RYR1: variants seen among roughly 807,000 people sequenced by gnomAD.
RYR1 encodes the protein central core disease of muscle.
Under a neutral mutation model 583.5 loss-of-function variants are expected in RYR1, and 342 were observed. The observed-to-expected ratio is 0.59, with a 90% CI of 0.54 to 0.64. The LOEUF (loss-of-function observed/expected upper bound fraction) is 0.64. Among genes scored for constraint, RYR1 ranks in the 30% least tolerant of loss-of-function variants. The pLI, the probability that RYR1 is intolerant of heterozygous loss-of-function variation, is 0.00. For missense variants in RYR1, 6,032 were observed against 6,917.2 expected, an observed-to-expected ratio of 0.87 and a Z score of 4.54; for synonymous variants, 2,791 against 2,822.5, an observed-to-expected ratio of 0.99 and a Z score of 0.35.
In RYR1 at chr19:38,512,580, T is replaced by A; in HGVS notation, c.9472+97T>A. ...GAGAGTCCCTGGGTGTTTGAATGTG[T>A]GGATTTCTTGCTGTAAGCAAAGCAT... is the stretch of plus-strand genomic sequence containing the variant. On this transcript the variant is annotated intron_variant, in intron 63 of 105. Transcript: ENST00000359596. The surrounding 1 kb of genome is among the most constrained non-coding windows in gnomAD (Gnocchi z 5.1). 1 of 1,180,058 alleles carries A rather than the reference T, an allele frequency of 8.5e-7. No homozygotes were observed. Among genetic ancestry groups the A allele is most frequent in the Non-Finnish European group, 1.2e-6 (1 of 801,176 alleles). The allele number at this position is 1,180,058 out of a possible 1,614,324, so 73.1% of individuals were successfully genotyped here. A position where few individuals can be genotyped will look rare whatever the true frequency, so the allele number is the denominator to read the frequency against.
At chr19:38,450,061 G>C (rs1252342574) in intron 11 of RYR1, among the ~76,000 whole-genome samples, 1 of 152,100 alleles carries the variant, frequency 6.6e-6, no homozygotes, top group African/African-American at 2.4e-5. Flanking sequence ...GAGTGAGATG[G>C]GCTCACAGGA....
intron 83 of RYR1, 76 bp downstream of exon 83, chr19:38,536,843 G>C: frequency 6.7e-7 from 1 of 1,499,796 alleles, no homozygotes; most frequent in Non-Finnish European, 9.3e-7. Context: ...CTCCACCTAG[G>C]GGCTGAGGAT....
intron 27 of RYR1, among the ~76,000 whole-genome samples, chr19:38,471,662 A>C (rs1968425020): frequency 6.6e-6 from 1 of 152,076 alleles, no homozygotes; most frequent in African/African-American, 2.4e-5. Context: ...GCAGTTTGGG[A>C]GGCCGATGTG....
chr19:38,474,174 C>T (rs1430221925), intron 28 of RYR1, among the ~76,000 whole-genome samples: 1 of 152,204 alleles, frequency 6.6e-6, no homozygotes, highest in Non-Finnish European at 1.5e-5. Context: ...TTCTGTGTCA[C>T]AAATGTACCC....
chr19:38,511,756 G>A lies in RYR1; in HGVS notation c.9172+146G>A, dbSNP rs529589854. 221 of 1,026,356 alleles carry A rather than the reference G, an allele frequency of 2.2e-4. 1 individual carries two copies. The highest frequency in any genetic ancestry group is 4.0e-4 in the Middle Eastern group (2 of 4,946). The allele number at this position is 1,026,356 out of a possible 1,614,324, so 63.6% of individuals were successfully genotyped here. A position where few individuals can be genotyped will look rare whatever the true frequency, so the allele number is the denominator to read the frequency against. On this transcript the variant is annotated intron_variant, in intron 61 of 105. Coordinates refer to ENST00000359596, the MANE Select transcript of RYR1 (RefSeq NM_000540.3). ...GAGACATGGACCAGGTATCCGGGGGGTAGGGCAGTGACTGAGATGCCCTGG... is the reference window on the plus strand; with the variant it reads ...GAGACATGGACCAGGTATCCGGGGGATAGGGCAGTGACTGAGATGCCCTGG...
chr19:38,466,347 C>G lies in RYR1; in HGVS notation c.3127C>G (p.Arg1043Gly). 1 of 1,591,712 alleles carries G rather than the reference C, an allele frequency of 6.3e-7. No individual in the cohort carries two copies. The change falls in exon 24 of 106, where the codon CGC (arginine) becomes GGC (glycine). Residue 1043 changes from arginine to glycine, a missense_variant. By Grantham distance (125) the Arg-to-Gly change is moderately radical. Coordinates refer to ENST00000359596, the MANE Select transcript of RYR1 (RefSeq NM_000540.3). ...CCGGGACAGCCTCTGCCAGGCCGTG[C>G]GCACCCTCCTGGGCTACGGCTACAA... ...SNRDSLCQAV[R>G]TLLGYGYNIE...
intron 31 of RYR1, among the ~76,000 whole-genome samples, chr19:38,481,333 C>T (rs987601177): frequency 6.6e-6 from 1 of 151,982 alleles, no homozygotes; most frequent in Non-Finnish European, 1.5e-5. Context: ...TGCCATGTTG[C>T]CCAGGCCAGT....
At position 38,469,366 on chromosome 19, in the gene RYR1, C is replaced by T. The variant is rs191970833; in HGVS notation, c.3618C>T (p.Asp1206=). ...GQVGHLNLGQ[D]VSSLRFFAIC... is the part of the protein sequence containing the mutation. ...TGGGTCATCTGAACCTGGGCCAGGA[C>T]GTGAGCTCTCTGAGGTTCTTTGCCA... The change falls in exon 27 of 106, where the codon GAC becomes GAT. Residue 1206 remains aspartate, a synonymous_variant. Transcript: ENST00000359596. The T allele has an allele frequency of 8.7e-5, 140 of 1,614,092 alleles. No homozygotes were observed. In the East Asian group the frequency reaches 2.3e-3, roughly 26 times the overall value.
At chr19:38,451,969 T>G in intron 12 of RYR1, 84 bp downstream of exon 12, 158 of 1,563,730 alleles carry the variant, frequency 1.0e-4, no homozygotes, top group Non-Finnish European at 1.3e-4. Context: ...CTTTCATCTC[T>G]ACCTCTGTTG....
intron 84 of RYR1, among the ~76,000 whole-genome samples, chr19:38,541,482 G>A (rs774116843): frequency 8.5e-5 from 13 of 152,242 alleles, no homozygotes; most frequent in Middle Eastern, 3.4e-3. Context: ...TTGGGAGGCC[G>A]AGGCAGGTGG....
chr19:38,565,973 A>G lies in RYR1; in HGVS notation c.13437+202A>G, dbSNP rs1328070237. Among the ~76,000 whole-genome samples, 1 of 151,912 alleles carries G rather than the reference A, an allele frequency of 6.6e-6. No homozygotes were observed. The highest frequency in any genetic ancestry group is 1.5e-5 in the Non-Finnish European group (1 of 67,964). On this transcript the variant is annotated intron_variant, in intron 91 of 105. Coordinates refer to ENST00000359596, the MANE Select transcript of RYR1 (RefSeq NM_000540.3). The surrounding 1 kb of genome is among the most constrained non-coding windows in gnomAD (Gnocchi z 4.7). ...GAGAGACGCTCAGAGACAGAGGGAT[A>G]CTCAGACCCACAGAGAAAGAGACTC...
At chr19:38,535,688 T>A (rs1038980042) in intron 81 of RYR1, 2 of 591,014 alleles carry the variant, frequency 3.4e-6, no homozygotes, top group African/African-American at 3.7e-5. Flanking sequence ...ATGATCCCAA[T>A]TAATCTGCCT....
rs768090612 is a variant in RYR1 at position 38,565,146 on chromosome 19, G to A, written c.12812G>A (p.Gly4271Asp). The A allele has an allele frequency of 2.8e-5, 43 of 1,516,814 alleles. No homozygotes were observed. The highest frequency in any genetic ancestry group is 2.6e-6 in the Non-Finnish European group (3 of 1,135,988). 94.0% of individuals were successfully genotyped at this position (1,516,814 alleles called of 1,614,324 possible). A position where few individuals can be genotyped will look rare whatever the true frequency, so the allele number is the denominator to read the frequency against. Reference protein sequence around the residue: ...EDEGAGAAEAGAEGAEEGAAG... With the variant: ...EDEGAGAAEADAEGAEEGAAG... Reference sequence around the variant, plus strand: ...GAGGGCGCGGGCGCGGCGGAGGCGGGCGCGGAAGGCGCGGAGGAGGGCGCG... The same window carrying A: ...GAGGGCGCGGGCGCGGCGGAGGCGGACGCGGAAGGCGCGGAGGAGGGCGCG... Residue 4271 changes from glycine to aspartate, a missense_variant, in exon 91 of 106, where the codon GGC becomes GAC. Coordinates refer to ENST00000359596, the MANE Select transcript of RYR1 (RefSeq NM_000540.3). The surrounding 1 kb of genome is among the most constrained non-coding windows in gnomAD (Gnocchi z 4.7).
chr19:38,544,273 T>C (rs938018925), intron 87 of RYR1, among the ~76,000 whole-genome samples: 1 of 152,242 alleles, frequency 6.6e-6, no homozygotes, highest in African/African-American at 2.4e-5. Flanking sequence ...CTTCTTTATC[T>C]TACTTGCGGC....
chr19:38,570,025 G>A (rs188328263), intron 93 of RYR1, among the ~76,000 whole-genome samples: 1 of 152,294 alleles, frequency 6.6e-6, no homozygotes, highest in East Asian at 1.9e-4. Context: ...CTAACTGAGT[G>A]TGGTGGTGCA....
chr19:38,493,292 T>C (rs1969639790), intron 38 of RYR1, among the ~76,000 whole-genome samples: 1 of 152,122 alleles, frequency 6.6e-6, no homozygotes, highest in African/African-American at 2.4e-5. Context: ...GACAAGCAGC[T>C]ATCATTAATG....
Position 38,460,361 on chromosome 19 carries a change from C to G in RYR1, c.2361-14C>G. The G allele has an allele frequency of 6.2e-7, 1 of 1,612,796 alleles. No homozygotes were observed. The highest frequency in any genetic ancestry group is 8.5e-7 in the Non-Finnish European group (1 of 1,178,744). Reference sequence around the variant, plus strand: ...ACCTCCCCTCAATGATCCCCATTGTCCTTCCTTACCCAGGGTGCGGTTCCT... The same window carrying G: ...ACCTCCCCTCAATGATCCCCATTGTGCTTCCTTACCCAGGGTGCGGTTCCT... On this transcript the variant is annotated splice_polypyrimidine_tract_variant and intron_variant, in intron 19 of 105. Transcript: ENST00000359596.
chr19:38,486,405 G>T (rs1289242860), intron 34 of RYR1, among the ~76,000 whole-genome samples: 1 of 151,864 alleles, frequency 6.6e-6, no homozygotes, highest in Non-Finnish European at 1.5e-5. Context: ...GTGCAGTGGC[G>T]CAATCTCAGC....
rs1462773397 is a variant in RYR1 at position 38,570,676 on chromosome 19, A to G, written c.13729A>G (p.Ile4577Val). ...CTTCTTGGCATTTGCCATCAACTTC[A>G]TCTTGCTGTTTTATAAGGTGCTGGT... ...ALFLAFAINF[I>V]LLFYKVSDSP... The change falls in exon 94 of 106, where the codon ATC (isoleucine) becomes GTC (valine). Residue 4577 changes from isoleucine to valine, a missense_variant. Ile to Val is a conservative substitution (Grantham distance 29). Around this residue, in one of 11 missense-constraint regions of RYR1, gnomAD observed 35 missense variants for 66.0 expected, o/e 0.53. Transcript: ENST00000359596. 6.2e-7 allele frequency: 1 copy of G among 1,613,816 alleles called. No individual in the cohort carries two copies. Among genetic ancestry groups the G allele is most frequent in the East Asian group, 2.2e-5 (1 of 44,872 alleles).
Sources: gnomAD v4.1 joint callset for allele counts (sites outside exome capture counted in the v4.1 genomes callset) on GRCh38, gnomAD v4.1.1 for gene constraint, gnomAD v4.1.1 regional missense constraint, Gnocchi (gnomAD v3.1) non-coding constraint, MANE v1.5 for transcripts, NCBI Gene and HGNC (gene_info 2026-07-23, HGNC 2026-07-21) for gene names.